Variants in GNPTG observed in about 807,000 individuals in gnomAD.
The protein encoded by GNPTG is N-acetylglucosamine-1-phosphate transferase subunit gamma.
A neutral mutation model predicts 43.8 loss-of-function variants in GNPTG; 46 were observed. That is an observed-to-expected ratio of 1.05 (90% CI 0.83 to 1.34). The LOEUF is 1.34. Ranked by LOEUF, GNPTG falls within the 40% of genes most tolerant of loss-of-function variation. The probability of loss-of-function intolerance (pLI) is 0.00; values close to 1 mark genes in which losing one functional copy is unlikely to be tolerated. For synonymous variants in GNPTG, 250 were observed against 172.8 expected (o/e 1.45, Z -3.50); for missense variants, 549 against 411.3 (o/e 1.33, Z -2.90).
At chr16:1,358,827 C>G (rs534625116) in intron 3 of GNPTG, 1 of 151,478 alleles carries the variant, frequency 6.6e-6, no homozygotes, top group Admixed American at 6.6e-5. Context: ...CCCTAATGAT[C>G]AGTCATGTGG....
chr16:1,354,897 C>T lies in GNPTG; in HGVS notation c.178+2591C>T, dbSNP rs548618915. Among the ~76,000 whole-genome samples, 154 of 152,122 alleles carry T rather than the reference C, an allele frequency of 1.0e-3. 2 individuals carry two copies. The South Asian group carries it at 0.023, about 22-fold the overall frequency. On this transcript the variant is annotated intron_variant, in intron 3 of 10. Transcript: ENST00000204679. The stretch of plus-strand genomic sequence containing the variant: ...AGGGCTGGGCGTGGATACTCCCCCG[C>T]GTCTGTAGGGCCGGGCGTGGATTGT...
chr16:1,362,155 G>A (rs1293925377), intron 6 of GNPTG, 24 bp downstream of exon 6: 2 of 1,612,856 alleles, frequency 1.2e-6, no homozygotes, highest in Non-Finnish European at 8.5e-7. Context: ...CGGGAGCCCG[G>A]GAAGAGGGGC....
Position 1,362,832 on chromosome 16 carries a change from A to G in GNPTG, c.749A>G (p.Lys250Arg), listed in dbSNP as rs1241573854. ...ETLENCRKAH[K>R]ELSKEIKRLK... ...TCTTTTTGTGGTTGGTAGGCTCATA[A>G]AGAACTCTCAAAGGAGATCAAAAGG... is the stretch of plus-strand genomic sequence containing the variant. The change falls in exon 10 of 11, where the codon AAA becomes AGA. Residue 250 changes from lysine to arginine, a missense_variant. Transcript: ENST00000204679. 20 of 1,613,922 alleles carry G rather than the reference A, an allele frequency of 1.2e-5. No homozygotes were observed. Among genetic ancestry groups the G allele is most frequent in the Non-Finnish European group, 1.5e-5 (18 of 1,180,042 alleles).
chr16:1,351,990 C>G lies in GNPTG; in HGVS notation c.25C>G (p.Leu9Val). 2 of 1,428,156 alleles carry G rather than the reference C, an allele frequency of 1.4e-6. No homozygotes were observed. Among genetic ancestry groups the G allele is most frequent in the Non-Finnish European group, 1.8e-6 (2 of 1,094,224 alleles). 88.5% of individuals were successfully genotyped at this position (1,428,156 alleles called of 1,614,324 possible). Residue 9 changes from leucine (L) to valine (V), a missense_variant, in exon 1 of 11, where the codon CTG becomes GTG. Physicochemically the swap from Leu to Val is conservative, Grantham distance 32. Coordinates refer to ENST00000204679, the MANE Select transcript of GNPTG (RefSeq NM_032520.5). MAAGLARL[L>V]LLLGLSAGGP... ...GATGGCGGCGGGGCTGGCGCGGCTC[C>G]TGTTGCTCCTCGGGCTCTCGGCCGG...
At chr16:1,352,371 G>T in intron 3 of GNPTG, 65 bp downstream of exon 3, 1 of 1,469,104 alleles carries the variant, frequency 6.8e-7, no homozygotes, top group Non-Finnish European at 9.3e-7. Flanking sequence ...GTGGAGGATG[G>T]ATGAGTGACC....
chr16:1,353,684 C>T (rs775928345), intron 3 of GNPTG, among the ~76,000 whole-genome samples: 11 of 152,070 alleles, frequency 7.2e-5, no homozygotes, highest in South Asian at 2.1e-4. Context: ...CCACCATGCC[C>T]GGCAAATGTT....
intron 7 of GNPTG, 27 bp from the exon 8 acceptor site, chr16:1,362,425 T>C (rs2034915760): frequency 6.2e-7 from 1 of 1,613,038 alleles, no homozygotes; most frequent in African/African-American, 1.3e-5. Context: ...GGGGTGCAGC[T>C]GAGCCTGGCT....
At chr16:1,355,957 G>A (rs1025537484) in intron 3 of GNPTG, among the ~76,000 whole-genome samples, 5 of 152,060 alleles carry the variant, frequency 3.3e-5, no homozygotes, top group South Asian at 4.2e-4. Context: ...CAGGGGGTGC[G>A]TGAGGCCGGA....
chr16:1,358,045 A>G (rs917980025), intron 3 of GNPTG, among the ~76,000 whole-genome samples: 8 of 151,758 alleles, frequency 5.3e-5, no homozygotes, highest in African/African-American at 1.9e-4. Flanking sequence ...GTCCCCAGCC[A>G]GGTCCCGACT....
Position 1,362,487 on chromosome 16 carries a change from T to TGGGACCAGGTAGAGC in GNPTG, c.563_577dup (p.Glu192_Gln193insArgAspGlnValGlu), listed in dbSNP as rs746879107. ...CCTGCCAGAGGCCCTGCAGCGGCAGTGGGACCAGGTAGAGCAGGACCTGGC... is the reference window on the plus strand; with the variant it reads ...CCTGCCAGAGGCCCTGCAGCGGCAGTGGGACCAGGTAGAGCGGGACCAGGTAGAGCAGGACCTGGC... On this transcript the variant is annotated inframe_insertion, in exon 8 of 11. Transcript: ENST00000204679. 1 of 1,614,026 alleles carries TGGGACCAGGTAGAGC rather than the reference T, an allele frequency of 6.2e-7. No homozygotes were observed. The highest frequency in any genetic ancestry group is 8.5e-7 in the Non-Finnish European group (1 of 1,180,002).
intron 3 of GNPTG, among the ~76,000 whole-genome samples, chr16:1,356,751 G>A (rs565070434): frequency 6.6e-6 from 1 of 152,334 alleles, no homozygotes; most frequent in Non-Finnish European, 1.5e-5. Context: ...TAAGCCCGGC[G>A]CCCACGCCCC....
rs891062257 is a variant in GNPTG, at chr16:1,363,508, C to T, written c.*417C>T. 3 of 270,312 alleles carry T rather than the reference C, an allele frequency of 1.1e-5. No individual in the cohort carries two copies. Among genetic ancestry groups the T allele is most frequent in the South Asian group, 3.4e-5 (1 of 29,242 alleles). 16.7% of individuals were successfully genotyped at this position (270,312 alleles called of 1,614,324 possible). A position where few individuals can be genotyped will look rare whatever the true frequency, so the allele number is the denominator to read the frequency against. On this transcript the variant is annotated 3_prime_UTR_variant, in exon 11 of 11. Coordinates refer to ENST00000204679, the MANE Select transcript of GNPTG (RefSeq NM_032520.5). ...ACGTCGTGACACCACTGTATCACGG[C>T]GAATGTCGAACACTAGAGTTACAGA...
chr16:1,356,047 T>G (rs1321312394), intron 3 of GNPTG, among the ~76,000 whole-genome samples: 1 of 150,638 alleles, frequency 6.6e-6, no homozygotes, highest in Non-Finnish European at 1.5e-5. Context: ...GGACCAGGTG[T>G]GGGGCCGGGC....
At chr16:1,361,596 A>T (rs1031463534) in intron 3 of GNPTG, 147 bp from the exon 4 acceptor site, 2 of 793,750 alleles carry the variant, frequency 2.5e-6, no homozygotes, top group African/African-American at 3.4e-5. Flanking sequence ...GTGAGCCAAG[A>T]TCATGCCACT....
At chr16:1,357,486 A>T (rs2034798935) in intron 3 of GNPTG, among the ~76,000 whole-genome samples, 1 of 141,656 alleles carries the variant, frequency 7.1e-6, no homozygotes, top group African/African-American at 2.7e-5. Context: ...TTTCGACTTT[A>T]TTATTATTAT....
At position 1,361,969 on chromosome 16, in the gene GNPTG, G is replaced by A. The variant is rs752300611; in HGVS notation, c.317+14G>A. Reference sequence around the variant, plus strand: ...TGGGATCCTCGGGTGAGTGGGGCCGGGGCAGGGATCCCAAAGCAGCAGCGC... The same window carrying A: ...TGGGATCCTCGGGTGAGTGGGGCCGAGGCAGGGATCCCAAAGCAGCAGCGC... On this transcript the variant is annotated intron_variant, in intron 5 of 10. Coordinates refer to ENST00000204679, the MANE Select transcript of GNPTG (RefSeq NM_032520.5). The A allele has an allele frequency of 6.2e-7, 1 of 1,613,374 alleles. No homozygotes were observed. The highest frequency in any genetic ancestry group is 8.5e-7 in the Non-Finnish European group (1 of 1,180,012).
At chr16:1,352,967 A>AT (rs3078768) in intron 3 of GNPTG, among the ~76,000 whole-genome samples, 103,557 of 132,688 alleles carry the variant, frequency 0.78, 40,856 homozygotes, top group East Asian at 0.94. Context: ...AAATCCAAGA[A>AT]TTTTTTTTTT....
chr16:1,353,174 A>C (rs1184493478), intron 3 of GNPTG, among the ~76,000 whole-genome samples: 1 of 151,944 alleles, frequency 6.6e-6, no homozygotes, highest in Non-Finnish European at 1.5e-5. Context: ...GGTTTATTTC[A>C]CCGTATTGAC....
chr16:1,352,283 A>G lies in GNPTG; in HGVS notation c.155A>G (p.Lys52Arg). Residue 52 changes from lysine to arginine, a missense_variant, in exon 3 of 11, where the codon AAG becomes AGG. Transcript: ENST00000204679. Reference sequence around the variant, plus strand: ...CCTCAGGCCAGTCGCCTCCAGGCCAAGAGGGATCCTTCACCCGTGTCTGGT... The same window carrying G: ...CCTCAGGCCAGTCGCCTCCAGGCCAGGAGGGATCCTTCACCCGTGTCTGGT... ...FLPQASRLQA[K>R]RDPSPVSGPV... is the part of the protein sequence containing the mutation. 7 of 1,548,384 alleles carry G rather than the reference A, an allele frequency of 4.5e-6. No individual in the cohort carries two copies. The highest frequency in any genetic ancestry group is 5.2e-6 in the Non-Finnish European group (6 of 1,146,820).
Sources: allele counts gnomAD v4.1 joint callset (sites outside exome capture counted in the v4.1 genomes callset), GRCh38; gene constraint gnomAD v4.1.1; transcripts MANE v1.5; gene names NCBI Gene and HGNC (gene_info 2026-07-23, HGNC 2026-07-21).